Variants in RAB33B observed in about 807,000 individuals in gnomAD.
RAB33B encodes the protein RAB33B, member RAS oncogene family.
RAB33B carries 6 observed loss-of-function variants against 15.0 expected under a neutral mutation model. That is an observed-to-expected ratio of 0.40 (90% CI 0.22 to 0.79). RAB33B has a LOEUF of 0.79. Ranked by LOEUF, RAB33B falls within the 30% of genes least tolerant of loss-of-function variation. The pLI, the probability that RAB33B is intolerant of heterozygous loss-of-function variation, is 0.37. For synonymous variants in RAB33B, 117 were observed against 108.3 expected (o/e 1.08, Z -0.50); for missense variants, 257 against 296.4 (o/e 0.87, Z 0.98).
chr4:139,473,087 G>A lies in RAB33B; in HGVS notation c.651G>A (p.Leu217=), dbSNP rs1245571986. 6.2e-7 allele frequency: 1 copy of A among 1,611,952 alleles called. No homozygotes were observed. The highest frequency in any genetic ancestry group is 8.5e-7 in the Non-Finnish European group (1 of 1,178,774). Residue 217 remains leucine (L), a synonymous_variant, in exon 2 of 2, where the codon CTG becomes CTA. Coordinates refer to ENST00000305626, the MANE Select transcript of RAB33B (RefSeq NM_031296.3). The part of the protein sequence containing the change: ...LSQPPDNGII[L]KPEPKPAMTC... ...AGCCCCCTGATAATGGAATTATCCT[G>A]AAGCCTGAACCAAAGCCTGCAATGA...
chr4:139,459,609 T>G (rs1185864919), intron 1 of RAB33B, among the ~76,000 whole-genome samples: 2 of 151,534 alleles, frequency 1.3e-5, no homozygotes, highest in Admixed American at 6.6e-5. Context: ...TCCATAGACT[T>G]CTTTCAGTGT....
the RAB33B span, among the ~76,000 whole-genome samples, chr4:139,440,493 G>GC: frequency 4.6e-5 from 7 of 152,174 alleles, no homozygotes; most frequent in East Asian, 9.7e-4. Context: ...TGTACTTTTT[G>GC]CCCCCCTAGC....
chr4:139,462,181 G>T (rs1165610881), intron 1 of RAB33B, among the ~76,000 whole-genome samples: 2 of 151,534 alleles, frequency 1.3e-5, no homozygotes, highest in Non-Finnish European at 2.9e-5. Flanking sequence ...AGCCTGCCGA[G>T]TAGCTGGGAC....
chr4:139,439,890 A>G, the RAB33B span, among the ~76,000 whole-genome samples: 3 of 151,872 alleles, frequency 2.0e-5, no homozygotes, highest in East Asian at 1.9e-4. Flanking sequence ...TAGGTTTTCT[A>G]TCTGTTTTTG....
chr4:139,454,089 G>A, upstream of RAB33B: 4 of 1,357,324 alleles, frequency 2.9e-6, no homozygotes, highest in East Asian at 2.5e-5. Flanking sequence ...CTCCTGGGAA[G>A]TTGCGCAGCC....
chr4:139,452,411 GTTT>G (rs967460932), upstream of RAB33B: 1 of 152,170 alleles, frequency 6.6e-6, no homozygotes, highest in African/African-American at 2.4e-5. Context: ...AATGATGTTA[GTTT>G]TTTTCACCAT....
At chr4:139,464,833 G>T (rs1281064400) in intron 1 of RAB33B, among the ~76,000 whole-genome samples, 1 of 152,162 alleles carries the variant, frequency 6.6e-6, no homozygotes, top group Non-Finnish European at 1.5e-5. Context: ...GTTGTGAATA[G>T]TGCTGTAATA....
intron 1 of RAB33B, among the ~76,000 whole-genome samples, chr4:139,472,226 A>C (rs1750406440): frequency 6.6e-6 from 1 of 152,188 alleles, no homozygotes; most frequent in African/African-American, 2.4e-5. Flanking sequence ...TCATAGACAT[A>C]CACATACATG....
At chr4:139,459,028 T>C (rs1750119946) in intron 1 of RAB33B, among the ~76,000 whole-genome samples, 1 of 152,128 alleles carries the variant, frequency 6.6e-6, no homozygotes, top group African/African-American at 2.4e-5. Context: ...CATTTTTTCA[T>C]ATGCTTTTTG....
intron 1 of RAB33B, among the ~76,000 whole-genome samples, chr4:139,465,521 A>G (rs955485336): frequency 1.1e-4 from 17 of 152,056 alleles, no homozygotes; most frequent in Non-Finnish European, 2.2e-4. Flanking sequence ...TTATGGTTTT[A>G]GGTCTAACAT....
upstream of RAB33B, chr4:139,450,849 T>C (rs900607125): frequency 6.6e-6 from 1 of 151,996 alleles, no homozygotes; most frequent in Non-Finnish European, 1.5e-5. Flanking sequence ...AATTCAGAAA[T>C]TGAGTAGTCT....
At chr4:139,438,380 T>C in the RAB33B span, among the ~76,000 whole-genome samples, 1 of 152,176 alleles carries the variant, frequency 6.6e-6, no homozygotes, top group Non-Finnish European at 1.5e-5. Context: ...ACAGTTCCTG[T>C]AAGCAAAGAG....
chr4:139,454,028 A>C, upstream of RAB33B: 1 of 741,206 alleles, frequency 1.3e-6, no homozygotes, highest in Non-Finnish European at 2.1e-6. Context: ...CTGTGCGGGC[A>C]AGGGCGGGGC....
At chr4:139,454,647 C>G (rs1257509726) in intron 1 of RAB33B, among the ~76,000 whole-genome samples, 1 of 152,146 alleles carries the variant, frequency 6.6e-6, no homozygotes, top group Non-Finnish European at 1.5e-5. Flanking sequence ...ATGCGATTTA[C>G]CTGGGGATCT....
intron 1 of RAB33B, among the ~76,000 whole-genome samples, chr4:139,455,225 G>A (rs1489698255): frequency 6.6e-6 from 1 of 152,226 alleles, no homozygotes; most frequent in African/African-American, 2.4e-5. Context: ...ACAGTGGAAT[G>A]AGGATCAATG....
At chr4:139,450,349 A>C (rs1439975560), upstream of RAB33B, 1 of 152,268 alleles carries the variant, frequency 6.6e-6, no homozygotes, top group Non-Finnish European at 1.5e-5. Flanking sequence ...CAGCAAGGCC[A>C]ATGCCATACT....
At chr4:139,470,246 G>A (rs1180173189) in intron 1 of RAB33B, among the ~76,000 whole-genome samples, 2 of 152,232 alleles carry the variant, frequency 1.3e-5, no homozygotes, top group African/African-American at 4.8e-5. Context: ...CTGTGGCTGA[G>A]CTGGCACTCA....
At chr4:139,452,161 T>C (rs1282367491), upstream of RAB33B, 3 of 152,204 alleles carry the variant, frequency 2.0e-5, no homozygotes, top group Admixed American at 2.0e-4. Context: ...ACACACGAAA[T>C]CTCTCACTTC....
At chr4:139,458,721 C>T (rs1750115133) in intron 1 of RAB33B, among the ~76,000 whole-genome samples, 1 of 152,180 alleles carries the variant, frequency 6.6e-6, no homozygotes, top group Admixed American at 6.5e-5. Context: ...CATGAACATA[C>T]ATGTGTAGAT....
Sources: allele counts gnomAD v4.1 joint callset (sites outside exome capture counted in the v4.1 genomes callset), GRCh38; gene constraint gnomAD v4.1.1; transcripts MANE v1.5; gene names NCBI Gene and HGNC (gene_info 2026-07-23, HGNC 2026-07-21).